ARHGAP20: variants seen among roughly 807,000 people sequenced by gnomAD.
ARHGAP20 encodes rho GTPase-activating protein 20.
In ARHGAP20, 34 loss-of-function variants were observed where a neutral mutation model predicts 73.7. The observed-to-expected ratio is 0.46, with a 90% confidence interval of 0.35 to 0.61. The LOEUF (loss-of-function observed/expected upper bound fraction) is 0.61. Ranked by LOEUF, ARHGAP20 falls within the 20% of genes least tolerant of loss-of-function variation. The pLI is 0.00. For missense variants in ARHGAP20, 1,314 were observed against 1,420.9 expected (o/e 0.92, Z 1.21); for synonymous variants, 523 against 518.2 (o/e 1.01, Z -0.13).
chr11:110,689,042 A>G (rs549381630), intron 2 of ARHGAP20, among the ~76,000 whole-genome samples: 1 of 143,984 alleles, frequency 6.9e-6, no homozygotes, highest in South Asian at 2.2e-4. Context: ...TCTGTGGCCC[A>G]GGCTGGAGTG....
intron 13 of ARHGAP20, among the ~76,000 whole-genome samples, chr11:110,583,227 G>C (rs1947521393): frequency 6.6e-6 from 1 of 152,132 alleles, no homozygotes; most frequent in Non-Finnish European, 1.5e-5. Context: ...TCTGGCAAGG[G>C]GTGGAGCTGA....
intron 1 of ARHGAP20, among the ~76,000 whole-genome samples, chr11:110,691,506 A>G (rs1354507234): frequency 6.6e-6 from 1 of 152,172 alleles, no homozygotes; most frequent in Admixed American, 6.6e-5. Flanking sequence ...CCTCTAGGCC[A>G]GTCATGCTTG....
chr11:110,648,226 T>TATATATGTAAATATATATATGTAA (rs1555094953), intron 2 of ARHGAP20, among the ~76,000 whole-genome samples: 12 of 79,336 alleles, frequency 1.5e-4, no homozygotes, highest in Middle Eastern at 7.1e-3. Context: ...TATATGTATA[T>TATATATGTAAATATATATATGTAA]ATATATATAT....
In ARHGAP20 at chr11:110,578,726, T is replaced by A; in HGVS notation, c.*644A>T. 2 of 985,402 alleles carry A rather than the reference T, an allele frequency of 2.0e-6. No individual in the cohort carries two copies. The highest frequency in any genetic ancestry group is 2.4e-6 in the Non-Finnish European group (2 of 829,928). 61.0% of individuals were successfully genotyped at this position (985,402 alleles called of 1,614,324 possible). ...AACCGACAAATACAACCAACAAAAC[T>A]GATATCATGGTACCCATGGCTTTTG... On this transcript the variant is annotated 3_prime_UTR_variant, in exon 15 of 15. Transcript: ENST00000683387.
Position 110,579,617 on chromosome 11 carries a change from C to T in ARHGAP20, c.3329G>A (p.Cys1110Tyr), listed in dbSNP as rs138835399. 33 of 1,614,060 alleles carry T rather than the reference C, an allele frequency of 2.0e-5. No homozygotes were observed. Among genetic ancestry groups the T allele is most frequent in the Middle Eastern group, 1.6e-4 (1 of 6,084 alleles). ...GLSPVQSAQR[C>Y]SSSPFQDSER... ...TGAGTCCTGGAAGGGAGAAGAACTA[C>T]ACCTTTGGGCTGACTGCACAGGGGA... is the stretch of plus-strand genomic sequence containing the variant. Residue 1110 changes from cysteine (C) to tyrosine (Y), a missense_variant, in exon 15 of 15, where the codon TGT (cysteine) becomes TAT (tyrosine). Physicochemically the swap from Cys to Tyr is radical, Grantham distance 194 (BLOSUM62 -2). Transcript: ENST00000683387.
In ARHGAP20 at chr11:110,611,317, C is replaced by G; in HGVS notation, c.700G>C (p.Gly234Arg). 1 of 1,554,706 alleles carries G rather than the reference C, an allele frequency of 6.4e-7. No individual in the cohort carries two copies. The highest frequency in any genetic ancestry group is 8.7e-7 in the Non-Finnish European group (1 of 1,143,650). Residue 234 changes from glycine (G) to arginine (R), a missense_variant, in exon 7 of 15, where the codon GGG (glycine) becomes CGG (arginine). Coordinates refer to ENST00000683387, the MANE Select transcript of ARHGAP20 (RefSeq NM_001384657.1). ...EVINMSLPML[G>R]ITGSERDYQL... Reference sequence around the variant, plus strand: ...CTAGCAGAATAACTTACAGTTATCCCTAGCATTGGTAATGACATGTTGATA... The same window carrying G: ...CTAGCAGAATAACTTACAGTTATCCGTAGCATTGGTAATGACATGTTGATA...
intron 1 of ARHGAP20, among the ~76,000 whole-genome samples, chr11:110,705,566 T>C (rs1261770701): frequency 1.3e-5 from 2 of 152,224 alleles, no homozygotes; most frequent in Non-Finnish European, 2.9e-5. Context: ...TTTTATTTTA[T>C]AAAACTATAA....
At chr11:110,665,976 T>TACAC (rs55687136) in intron 2 of ARHGAP20, among the ~76,000 whole-genome samples, 4 of 150,220 alleles carry the variant, frequency 2.7e-5, no homozygotes, top group Admixed American at 6.6e-5. Context: ...AAGATACATA[T>TACAC]ACACACACAC....
intron 4 of ARHGAP20, 39 bp from the exon 5 acceptor site, chr11:110,615,633 A>G (rs1016460280): frequency 1.9e-6 from 3 of 1,564,284 alleles, no homozygotes; most frequent in Non-Finnish European, 1.8e-6. Flanking sequence ...ATTAAACCAC[A>G]TAAAATACAA....
chr11:110,698,912 T>A (rs1950390530), intron 1 of ARHGAP20, among the ~76,000 whole-genome samples: 1 of 151,874 alleles, frequency 6.6e-6, no homozygotes, highest in Non-Finnish European at 1.5e-5. Flanking sequence ...CTCAATTTCA[T>A]TTACTTCTGC....
intron 2 of ARHGAP20, among the ~76,000 whole-genome samples, chr11:110,686,569 A>G (rs1950136573): frequency 6.6e-6 from 1 of 152,084 alleles, no homozygotes; most frequent in African/African-American, 2.4e-5. Context: ...TTCCTTTTTT[A>G]TAAGCAAATC....
At chr11:110,678,412 G>A (rs968560200) in intron 2 of ARHGAP20, among the ~76,000 whole-genome samples, 14 of 152,266 alleles carry the variant, frequency 9.2e-5, no homozygotes, top group Admixed American at 7.2e-4. Flanking sequence ...TAAAAAAGAT[G>A]TTGTCTGGCC....
chr11:110,712,221 A>T lies in ARHGAP20; in HGVS notation c.11T>A (p.Met4Lys). The T allele has an allele frequency of 7.4e-7, 1 of 1,359,098 alleles. No individual in the cohort carries two copies. 84.2% of individuals were successfully genotyped at this position (1,359,098 alleles called of 1,614,324 possible). A position where few individuals can be genotyped will look rare whatever the true frequency, so the allele number is the denominator to read the frequency against. MEAMSPQQETLGGQ... is the reference protein window; with the variant it reads MEAKSPQQETLGGQ... ...CCCTAGAGTCTCCTGCTGGGGGGACATCGCTTCCATGAAGAAAATCTTCAA... is the reference window on the plus strand; with the variant it reads ...CCCTAGAGTCTCCTGCTGGGGGGACTTCGCTTCCATGAAGAAAATCTTCAA... Residue 4 changes from methionine to lysine, a missense_variant, in exon 1 of 15, where the codon ATG (methionine) becomes AAG (lysine). Met to Lys is a moderately conservative substitution (Grantham distance 95, BLOSUM62 -1). Around this residue, in one of 3 missense-constraint regions of ARHGAP20, gnomAD observed 443 missense variants for 466.4 expected, o/e 0.95. Coordinates refer to ENST00000683387, the MANE Select transcript of ARHGAP20 (RefSeq NM_001384657.1).
At chr11:110,695,624 A>G (rs183341700) in intron 1 of ARHGAP20, among the ~76,000 whole-genome samples, 2 of 151,754 alleles carry the variant, frequency 1.3e-5, no homozygotes, top group East Asian at 3.9e-4. Flanking sequence ...CAAAATTACC[A>G]CAAGATACCA....
intron 2 of ARHGAP20, among the ~76,000 whole-genome samples, chr11:110,641,723 A>C (rs955501828): frequency 6.6e-6 from 1 of 152,072 alleles, no homozygotes; most frequent in Non-Finnish European, 1.5e-5. Flanking sequence ...AAAATGAAAC[A>C]AAAACAACAC....
intron 2 of ARHGAP20, among the ~76,000 whole-genome samples, chr11:110,666,332 T>G (rs752566478): frequency 6.6e-6 from 1 of 152,222 alleles, no homozygotes; most frequent in Non-Finnish European, 1.5e-5. Context: ...AGCAGCATTA[T>G]TATTGTAGAA....
intron 2 of ARHGAP20, among the ~76,000 whole-genome samples, chr11:110,674,436 C>T (rs775045595): frequency 5.3e-5 from 8 of 151,974 alleles, no homozygotes; most frequent in Admixed American, 3.9e-4. Flanking sequence ...ACAATTTGAG[C>T]GCCTACACGA....
chr11:110,711,509 C>G (rs1950655055), intron 1 of ARHGAP20: 1 of 1,103,072 alleles, frequency 9.1e-7, no homozygotes, highest in Non-Finnish European at 1.2e-6. Context: ...AACTGTGACC[C>G]CCACCTGGGA....
chr11:110,584,037 A>T (rs1485230400), intron 12 of ARHGAP20, among the ~76,000 whole-genome samples: 1 of 152,254 alleles, frequency 6.6e-6, no homozygotes, highest in Admixed American at 6.5e-5. Context: ...TGAAACTAGC[A>T]TAATGCAAAC....
Sources: allele counts gnomAD v4.1 joint callset (sites outside exome capture counted in the v4.1 genomes callset), GRCh38; gene constraint gnomAD v4.1.1; regional missense constraint gnomAD v4.1.1; transcripts MANE v1.5; gene names NCBI Gene and HGNC (gene_info 2026-07-23, HGNC 2026-07-21).